TTC1: variants seen among roughly 807,000 people sequenced by gnomAD.
TTC1 encodes the protein tetratricopeptide repeat protein 1.
Under a neutral mutation model 37.6 loss-of-function variants are expected in TTC1, and 31 were observed. That is an observed-to-expected ratio of 0.82 (90% confidence interval 0.62 to 1.11). The LOEUF is 1.11. Among genes scored for constraint, TTC1 ranks in the 50% most tolerant of loss-of-function variants. The pLI, the probability that TTC1 is intolerant of heterozygous loss-of-function variation, is 0.00. For synonymous variants in TTC1, 127 were observed against 122.4 expected (o/e 1.04, Z -0.25); for missense variants, 351 against 339.0 (o/e 1.04, Z -0.28).
At chr5:160,061,156 G>A (rs530646130) in intron 7 of TTC1, among the ~76,000 whole-genome samples, 2 of 152,222 alleles carry the variant, frequency 1.3e-5, no homozygotes, top group African/African-American at 4.8e-5. Flanking sequence ...CACACAGCTC[G>A]CCTGCCTATC....
chr5:160,049,410 TC>T (rs1757343096), intron 5 of TTC1, 103 bp from the exon 6 acceptor site: 1 of 1,136,944 alleles, frequency 8.8e-7, no homozygotes, highest in African/African-American at 1.6e-5. Context: ...AAATGACTCT[TC>T]CTTTCGTATC....
chr5:160,042,700 G>A lies in TTC1; in HGVS notation c.505-433G>A, dbSNP rs535816956. On this transcript the variant is annotated intron_variant, in intron 4 of 7. Coordinates refer to ENST00000231238, the MANE Select transcript of TTC1 (RefSeq NM_003314.3). ...TGACAAGCCACACTGTGTGTCTGTA[G>A]GTGGAGCATCTGTATACTTTCTGAA... 2.0e-5 allele frequency among the ~76,000 whole-genome samples: 3 copies of A among 152,328 alleles called. No individual in the cohort carries two copies. The South Asian group carries it at 6.2e-4, about 32-fold the overall frequency.
chr5:160,018,874 T>C (rs4921249), intron 2 of TTC1, among the ~76,000 whole-genome samples: 24,168 of 152,082 alleles, frequency 0.16, 2,157 homozygotes, highest in East Asian at 0.27. Context: ...TGTATGATTT[T>C]GGGATATATT....
chr5:160,051,679 G>A (rs551535585), intron 7 of TTC1, among the ~76,000 whole-genome samples: 45 of 152,262 alleles, frequency 3.0e-4, no homozygotes, highest in African/African-American at 9.9e-4. Context: ...CTGGGGGTAG[G>A]GGTAGGGCAA....
At chr5:160,041,732 G>A (rs981074348) in intron 4 of TTC1, among the ~76,000 whole-genome samples, 2 of 152,160 alleles carry the variant, frequency 1.3e-5, no homozygotes, top group Non-Finnish European at 2.9e-5. Flanking sequence ...TTAGGTGATA[G>A]GAATTTTTCA....
rs549420233 is a variant in TTC1, at chr5:160,057,766, T to C, written c.745+6583T>C. ...CTAAGGTTATGTAATATTTGGGGGTTTGTGCGTGTGTGTGTGTGTGTGACA... is the reference window on the plus strand; with the variant it reads ...CTAAGGTTATGTAATATTTGGGGGTCTGTGCGTGTGTGTGTGTGTGTGACA... On this transcript the variant is annotated intron_variant, in intron 7 of 7. Coordinates refer to ENST00000231238, the MANE Select transcript of TTC1 (RefSeq NM_003314.3). The surrounding 1 kb of genome is among the most constrained non-coding windows in gnomAD (Gnocchi z 4.4). 1.2e-4 allele frequency among the ~76,000 whole-genome samples: 19 copies of C among 152,224 alleles called. No homozygotes were observed. The highest frequency in any genetic ancestry group is 9.8e-4 in the Admixed American group (15 of 15,288).
rs1382992337 is a variant in TTC1 at position 160,046,653 on chromosome 5, TTTTA to T, written c.542-2857_542-2854del. On this transcript the variant is annotated intron_variant, in intron 5 of 7. Coordinates refer to ENST00000231238, the MANE Select transcript of TTC1 (RefSeq NM_003314.3). ...GTTATATACCATAAATATACACAAT[TTTTA>T]TTTGTCATTTTAAAAGTTAAATTAA... Among the ~76,000 whole-genome samples, 7 of 152,248 alleles carry T rather than the reference TTTTA, an allele frequency of 4.6e-5. No individual in the cohort carries two copies. The East Asian group carries it at 1.2e-3, about 25-fold the overall frequency.
intron 2 of TTC1, among the ~76,000 whole-genome samples, chr5:160,029,381 CCT>C (rs1182214399): frequency 6.6e-6 from 1 of 151,502 alleles, no homozygotes; most frequent in Non-Finnish European, 1.5e-5. Context: ...GTGGCTCATA[CCT>C]GTAATCTCAG....
rs1367276499 is a variant in TTC1 at position 160,058,429 on chromosome 5, G to C, written c.746-6503G>C. On this transcript the variant is annotated intron_variant, in intron 7 of 7. Transcript: ENST00000231238. ...TATTTCTTTTTTTTTTTTTTTTTTT[G>C]AGACGGAGTCTCGCTGTGTCGCCCA... is the stretch of plus-strand genomic sequence containing the variant. 2.4e-4 allele frequency among the ~76,000 whole-genome samples: 10 copies of C among 42,426 alleles called. No individual in the cohort carries two copies. In the East Asian group the frequency reaches 6.6e-3, roughly 28 times the overall value. 27.8% of individuals were successfully genotyped at this position (42,426 alleles called of 152,430 possible).
chr5:160,027,689 GAA>G (rs1756830827), intron 2 of TTC1, among the ~76,000 whole-genome samples: 1 of 152,154 alleles, frequency 6.6e-6, no homozygotes, highest in African/African-American at 2.4e-5. Context: ...TGTTCATTGT[GAA>G]AGTCTTTATT....
chr5:160,064,846 T>C (rs1463223464), intron 7 of TTC1, 86 bp from the exon 8 acceptor site: 10 of 1,363,858 alleles, frequency 7.3e-6, no homozygotes, highest in Non-Finnish European at 1.0e-5. Flanking sequence ...TTATATTTTG[T>C]ACTCAGTGGT....
intron 2 of TTC1, among the ~76,000 whole-genome samples, chr5:160,030,293 G>C (rs34532554): frequency 6.6e-6 from 1 of 152,268 alleles, no homozygotes; most frequent in East Asian, 1.9e-4. Flanking sequence ...AATGGAATGA[G>C]GGATAAGCAT....
At chr5:160,044,469 A>C (rs1339174776) in intron 5 of TTC1, among the ~76,000 whole-genome samples, 2 of 152,210 alleles carry the variant, frequency 1.3e-5, no homozygotes, top group African/African-American at 4.8e-5. Context: ...TGAGATTTCC[A>C]AGAATGGGGC....
chr5:160,041,007 A>AG, intron 4 of TTC1, among the ~76,000 whole-genome samples: 1 of 151,810 alleles, frequency 6.6e-6, no homozygotes, highest in East Asian at 1.9e-4. Flanking sequence ...TACACACAGT[A>AG]GCCTAGGCCT....
chr5:160,038,592 CT>C (rs1183393692), intron 4 of TTC1, among the ~76,000 whole-genome samples: 1 of 150,898 alleles, frequency 6.6e-6, no homozygotes, highest in Non-Finnish European at 1.5e-5. Context: ...GAGCGTTGCT[CT>C]ATGATTGTTG....
chr5:160,018,428 C>G (rs1461039104), intron 2 of TTC1, among the ~76,000 whole-genome samples: 1 of 152,144 alleles, frequency 6.6e-6, no homozygotes, highest in Non-Finnish European at 1.5e-5. Flanking sequence ...GAGGGTGGCA[C>G]TGGGAGCAGC....
intron 2 of TTC1, among the ~76,000 whole-genome samples, chr5:160,015,941 T>C (rs999852896): frequency 5.3e-5 from 8 of 152,228 alleles, no homozygotes; most frequent in Admixed American, 2.0e-4. Context: ...TTGGTGTCCA[T>C]TGGAGAATTG....
intron 4 of TTC1, among the ~76,000 whole-genome samples, chr5:160,041,918 C>T (rs1232027608): frequency 4.6e-5 from 7 of 152,078 alleles, no homozygotes; most frequent in Admixed American, 3.3e-4. Flanking sequence ...AAGGATCCTC[C>T]ACACTCCTGA....
intron 2 of TTC1, among the ~76,000 whole-genome samples, chr5:160,014,943 G>A (rs1756575372): frequency 6.6e-6 from 1 of 152,148 alleles, no homozygotes; most frequent in Admixed American, 6.5e-5. Flanking sequence ...CCTGGTTCCT[G>A]TTACAGAGCC....
Sources: gnomAD v4.1 joint callset for allele counts (sites outside exome capture counted in the v4.1 genomes callset) on GRCh38, gnomAD v4.1.1 for gene constraint, Gnocchi (gnomAD v3.1) non-coding constraint, MANE v1.5 for transcripts, NCBI Gene and HGNC (gene_info 2026-07-23, HGNC 2026-07-21) for gene names.